Variants in GRAMD2B observed in about 807,000 individuals in gnomAD.
GRAMD2B encodes GRAM domain-containing protein 2B.
In GRAMD2B, 41 loss-of-function variants were observed where a neutral mutation model predicts 59.2. The ratio of observed to expected loss-of-function variants is 0.69; its 90% CI spans 0.54 to 0.90. The LOEUF is 0.90. Among genes scored for constraint, GRAMD2B ranks in the 40% least tolerant of loss-of-function variants. The probability of loss-of-function intolerance (pLI) is 0.00; values close to 1 mark genes in which losing one functional copy is unlikely to be tolerated. For synonymous variants in GRAMD2B, 161 were observed against 182.7 expected (o/e 0.88, Z 0.96); for missense variants, 424 against 500.5 (o/e 0.85, Z 1.46).
chr5:126,406,975 G>A (rs1008669488), intron 1 of GRAMD2B, among the ~76,000 whole-genome samples: 10 of 152,040 alleles, frequency 6.6e-5, no homozygotes, highest in African/African-American at 2.2e-4. Flanking sequence ...GGATCATAAA[G>A]CTATCTGCTC....
chr5:126,467,664 AT>A (rs1377605970), intron 2 of GRAMD2B: 1 of 152,224 alleles, frequency 6.6e-6, no homozygotes, highest in African/African-American at 2.4e-5. Context: ...GCAAGTTGAC[AT>A]TTGTACAGAT....
intron 9 of GRAMD2B, among the ~76,000 whole-genome samples, chr5:126,484,077 T>A (rs1188180509): frequency 6.6e-6 from 1 of 152,108 alleles, no homozygotes; most frequent in Non-Finnish European, 1.5e-5. Flanking sequence ...ATCCACCCAC[T>A]TTGGCCTCCC....
At chr5:126,387,107 G>T (rs935486849) in intron 1 of GRAMD2B, among the ~76,000 whole-genome samples, 1 of 151,926 alleles carries the variant, frequency 6.6e-6, no homozygotes, top group African/African-American at 2.4e-5. Flanking sequence ...AACTTGAAGA[G>T]TCAAAAAACT....
chr5:126,484,581 TA>T, intron 10 of GRAMD2B, 57 bp downstream of exon 10: 1 of 1,506,718 alleles, frequency 6.6e-7, no homozygotes, highest in Admixed American at 2.3e-5. Context: ...TGTCTGTTTG[TA>T]ACTTTTTTTT....
intron 1 of GRAMD2B, among the ~76,000 whole-genome samples, chr5:126,424,914 C>G (rs370633763): frequency 6.6e-6 from 1 of 152,230 alleles, no homozygotes; most frequent in South Asian, 2.1e-4. Flanking sequence ...AGCCAGGATT[C>G]AAGCCCAGGT....
chr5:126,471,786 T>C (rs946834931), intron 3 of GRAMD2B, among the ~76,000 whole-genome samples: 19 of 152,166 alleles, frequency 1.2e-4, no homozygotes, highest in African/African-American at 3.9e-4. Flanking sequence ...GACTAAGCCA[T>C]GGTCACACAA....
chr5:126,443,007 A>G (rs1357484402), intron 1 of GRAMD2B, among the ~76,000 whole-genome samples: 2 of 152,166 alleles, frequency 1.3e-5, no homozygotes, highest in Admixed American at 6.5e-5. Context: ...TTGATCATTA[A>G]TGGGGATTGT....
intron 1 of GRAMD2B, among the ~76,000 whole-genome samples, chr5:126,458,448 A>AC (rs201058511): frequency 0.042 from 6,423 of 151,876 alleles, 167 homozygotes; most frequent in African/African-American, 0.056. Context: ...TCAAAACAAA[A>AC]AAAAAAAAAG....
intron 1 of GRAMD2B, among the ~76,000 whole-genome samples, chr5:126,428,151 A>G (rs940314154): frequency 1.3e-5 from 2 of 152,112 alleles, no homozygotes; most frequent in Non-Finnish European, 2.9e-5. Context: ...GAGACCTGGG[A>G]GGCAGAGGTT....
At chr5:126,366,977 C>G (rs944004173), upstream of GRAMD2B, among the ~76,000 whole-genome samples, 1 of 151,894 alleles carries the variant, frequency 6.6e-6, no homozygotes, top group African/African-American at 2.4e-5. Context: ...GCCTCAGCCT[C>G]CAGAGTAGCT....
At chr5:126,424,178 A>G (rs1171590066) in intron 1 of GRAMD2B, among the ~76,000 whole-genome samples, 1 of 152,228 alleles carries the variant, frequency 6.6e-6, no homozygotes. Context: ...CTGTACTTCA[A>G]GGGACTTTGG....
intron 1 of GRAMD2B, among the ~76,000 whole-genome samples, chr5:126,393,613 A>T (rs539620921): frequency 6.6e-6 from 1 of 152,182 alleles, no homozygotes; most frequent in East Asian, 1.9e-4. Flanking sequence ...ATTATCTTGA[A>T]CCTCCAAATA....
At chr5:126,467,387 G>A (rs1373716602) in intron 2 of GRAMD2B, 1 of 152,074 alleles carries the variant, frequency 6.6e-6, no homozygotes, top group East Asian at 1.9e-4. Flanking sequence ...TGTAGGAAGT[G>A]AGAATAACAG....
chr5:126,484,583 A>C, intron 10 of GRAMD2B, 59 bp downstream of exon 10: 1 of 1,498,304 alleles, frequency 6.7e-7, no homozygotes, highest in East Asian at 2.4e-5. Flanking sequence ...TCTGTTTGTA[A>C]CTTTTTTTTT....
intron 1 of GRAMD2B, among the ~76,000 whole-genome samples, chr5:126,444,305 A>G (rs1331109684): frequency 1.3e-5 from 2 of 152,232 alleles, no homozygotes; most frequent in Non-Finnish European, 2.9e-5. Flanking sequence ...CTGGCCTTCT[A>G]GCTTAGAAAA....
chr5:126,387,376 A>C (rs935469874), intron 1 of GRAMD2B, among the ~76,000 whole-genome samples: 1 of 151,930 alleles, frequency 6.6e-6, no homozygotes, highest in Non-Finnish European at 1.5e-5. Flanking sequence ...GAGGCTAAAC[A>C]AATGTTCTGT....
At chr5:126,466,855 A>C (rs1158104115) in intron 2 of GRAMD2B, among the ~76,000 whole-genome samples, 1 of 151,988 alleles carries the variant, frequency 6.6e-6, no homozygotes, top group East Asian at 1.9e-4. Context: ...TTTTACTCCA[A>C]CTTCCCCAGG....
Position 126,483,496 on chromosome 5 carries a change from G to C in GRAMD2B, c.769G>C (p.Val257Leu). 2 of 1,612,184 alleles carry C rather than the reference G, an allele frequency of 1.2e-6. No individual in the cohort carries two copies. Among genetic ancestry groups the C allele is most frequent in the African/African-American group, 1.3e-5 (1 of 74,970 alleles). ...TGATGAATTCTCAGATCTGGATGGA[G>C]TGGTTCAACAAAGAAGGCAAGACAT... ...FNDEFSDLDG[V>L]VQQRRQDMEG... Residue 257 changes from valine to leucine, a missense_variant, in exon 9 of 14, where the codon GTG (valine) becomes CTG (leucine). Transcript: ENST00000285689.
intron 1 of GRAMD2B, among the ~76,000 whole-genome samples, chr5:126,457,117 G>A (rs1238641361): frequency 6.9e-6 from 1 of 143,996 alleles, no homozygotes; most frequent in Non-Finnish European, 1.5e-5. Flanking sequence ...GCATGAATGT[G>A]GGAGGTGGAG....
Sources: gnomAD v4.1 joint callset for allele counts (sites outside exome capture counted in the v4.1 genomes callset) on GRCh38, gnomAD v4.1.1 for gene constraint, MANE v1.5 for transcripts, NCBI Gene and HGNC (gene_info 2026-07-23, HGNC 2026-07-21) for gene names.